BRWD3: variants seen among roughly 807,000 people sequenced by gnomAD.
BRWD3 encodes bromodomain and WD repeat-containing protein 3.
In BRWD3, 10 loss-of-function variants were observed where a neutral mutation model predicts 149.7. That is an observed-to-expected ratio of 0.07 (90% CI 0.04 to 0.11). The LOEUF is 0.11. Among genes scored for constraint, BRWD3 ranks in the 10% least tolerant of loss-of-function variants. The pLI, the probability that BRWD3 is intolerant of heterozygous loss-of-function variation, is 1.00. For synonymous variants in BRWD3, 504 were observed against 456.7 expected, an observed-to-expected ratio of 1.10 and a Z score of -1.32; for missense variants, 940 against 1,373.2, an observed-to-expected ratio of 0.68 and a Z score of 4.99.
chrX:80,696,371 A>G (rs1013232477), intron 26 of BRWD3, among the ~76,000 whole-genome samples: 1 of 110,705 alleles, frequency 9.0e-6, no homozygotes, highest in Non-Finnish European at 1.9e-5. Context: ...CAAACATTCA[A>G]TTAGGGAATT....
At chrX:80,704,623 T>C in intron 23 of BRWD3, 55 bp downstream of exon 23, 2 of 1,089,354 alleles carry the variant, frequency 1.8e-6, no homozygotes, top group Non-Finnish European at 2.5e-6. Flanking sequence ...ATTTAAGTTA[T>C]CAAAGGCAAA....
At chrX:80,735,093 C>G in intron 10 of BRWD3, 34 bp downstream of exon 10, 3 of 1,108,116 alleles carry the variant, frequency 2.7e-6, no homozygotes, top group Non-Finnish European at 3.7e-6. Context: ...GTTAAATATT[C>G]TAGATGCTCA....
At chrX:80,760,081 T>A (rs888299858) in intron 6 of BRWD3, among the ~76,000 whole-genome samples, 1 of 112,224 alleles carries the variant, frequency 8.9e-6, no homozygotes, top group African/African-American at 3.2e-5. Flanking sequence ...TAACTCTTCA[T>A]GTTAAAGCTT....
intron 40 of BRWD3, 76 bp downstream of exon 40, chrX:80,681,265 T>C (rs1008110880): frequency 1.9e-6 from 2 of 1,057,139 alleles, no homozygotes; most frequent in African/African-American, 3.7e-5. Flanking sequence ...TATGTCAACA[T>C]GTCAGCTTTT....
intron 26 of BRWD3, 134 bp downstream of exon 26, chrX:80,696,605 T>C: frequency 1.4e-6 from 1 of 704,855 alleles, no homozygotes; most frequent in Admixed American, 2.7e-5. Flanking sequence ...AATTAAACTC[T>C]GGTCTTTATA....
intron 6 of BRWD3, among the ~76,000 whole-genome samples, chrX:80,788,212 G>C (rs2074137192): frequency 9.0e-6 from 1 of 110,613 alleles, no homozygotes; most frequent in South Asian, 3.8e-4. Flanking sequence ...GCAGGTGATT[G>C]CTTCAGCCCA....
chrX:80,710,700 G>A, intron 20 of BRWD3: 3 of 802,719 alleles, frequency 3.7e-6, no homozygotes, highest in Admixed American at 2.3e-5. Flanking sequence ...TGAACCAATG[G>A]AACATTAAGT....
intron 8 of BRWD3, among the ~76,000 whole-genome samples, chrX:80,743,493 C>T (rs2073548248): frequency 9.0e-6 from 1 of 111,662 alleles, no homozygotes; most frequent in African/African-American, 3.3e-5. Context: ...CCTTGCACCT[C>T]TGGTAGAATT....
intron 6 of BRWD3, among the ~76,000 whole-genome samples, chrX:80,776,502 A>AG (rs1355297013): frequency 8.9e-6 from 1 of 111,949 alleles, no homozygotes; most frequent in Non-Finnish European, 1.9e-5. Context: ...CATTTATAAG[A>AG]CTACATGTTA....
intron 8 of BRWD3, among the ~76,000 whole-genome samples, chrX:80,738,539 T>C (rs1478045139): frequency 9.2e-6 from 1 of 108,133 alleles, no homozygotes; most frequent in African/African-American, 3.4e-5. Context: ...ATAAAGAACA[T>C]GTAAAGAATA....
intron 16 of BRWD3, 81 bp downstream of exon 16, chrX:80,723,667 A>G: frequency 9.7e-7 from 1 of 1,035,226 alleles, no homozygotes; most frequent in South Asian, 1.9e-5. Context: ...AACAGCCCTT[A>G]TTAACTGGAG....
In BRWD3 at chrX:80,694,698, A is replaced by T. The variant is rs1181371528; in HGVS notation, c.3151+1210T>A. ...CCCGCTGGATTTTAGACTTGCATGG[A>T]GCCTTCAGTCCCTTTGTTTTGGCCA... On this transcript the variant is annotated intron_variant, in intron 27 of 40. Coordinates refer to ENST00000373275, the MANE Select transcript of BRWD3 (RefSeq NM_153252.5). 3.6e-5 allele frequency among the ~76,000 whole-genome samples: 4 copies of T among 111,043 alleles called. No homozygotes were observed. In the East Asian group the frequency reaches 8.6e-4, roughly 24 times the overall value.
intron 38 of BRWD3, 151 bp from the exon 39 acceptor site, chrX:80,682,245 G>T: frequency 1.6e-6 from 1 of 610,229 alleles, no homozygotes; most frequent in Non-Finnish European, 2.5e-6. Flanking sequence ...TAATTTGACA[G>T]TGAAACTTCA....
intron 20 of BRWD3, among the ~76,000 whole-genome samples, chrX:80,712,293 C>T (rs913220247): frequency 1.2e-4 from 13 of 110,707 alleles, no homozygotes; most frequent in Non-Finnish European, 1.7e-4. Context: ...TGATTGCAGG[C>T]ACGCGCCGCC....
intron 20 of BRWD3, among the ~76,000 whole-genome samples, chrX:80,713,188 T>C (rs2073016533): frequency 9.1e-6 from 1 of 109,960 alleles, no homozygotes; most frequent in African/African-American, 3.3e-5. Context: ...GTCTGGGAGG[T>C]GTACCCAACA....
At position 80,797,760 on chromosome X, in the gene BRWD3, G is replaced by C. The variant is rs770894322; in HGVS notation, c.181-3988C>G. ...CAATAGAAAATTGCTCGATTTCTAA[G>C]CAGTTACATTGAAAAAGTCCTTTGC... On this transcript the variant is annotated intron_variant, in intron 4 of 40. Transcript: ENST00000373275. Among the ~76,000 whole-genome samples, 11 of 111,587 alleles carry C rather than the reference G, an allele frequency of 9.9e-5. No individual in the cohort carries two copies. The South Asian group carries it at 4.1e-3, about 42-fold the overall frequency.
In BRWD3 at chrX:80,809,781, G is replaced by C. The variant is rs2074393915; in HGVS notation, c.-310C>G. On this transcript the variant is annotated 5_prime_UTR_variant, in exon 1 of 41. Coordinates refer to ENST00000373275, the MANE Select transcript of BRWD3 (RefSeq NM_153252.5). Reference sequence around the variant, plus strand: ...AAAAAGAGAGAGAGAGAGAGAGAGAGAGAGAGAGAGAGAGAGAGAGAGACG... The same window carrying C: ...AAAAAGAGAGAGAGAGAGAGAGAGACAGAGAGAGAGAGAGAGAGAGAGACG... 1 of 111,074 alleles carries C rather than the reference G, an allele frequency of 9.0e-6. No homozygotes were observed. The highest frequency in any genetic ancestry group is 1.6e-5 in the Non-Finnish European group (1 of 60,648). The allele number at this position is 111,074 out of a possible 1,213,427, so 9.2% of individuals were successfully genotyped here. A position where few individuals can be genotyped will look rare whatever the true frequency, so the allele number is the denominator to read the frequency against.
At chrX:80,795,908 G>C (rs1442808831) in intron 4 of BRWD3, among the ~76,000 whole-genome samples, 1 of 109,893 alleles carries the variant, frequency 9.1e-6, no homozygotes, top group Non-Finnish European at 1.9e-5. Context: ...TCCAGCCCGT[G>C]GGTGACCCTG....
chrX:80,736,667 A>G (rs760159337), intron 8 of BRWD3, among the ~76,000 whole-genome samples: 2 of 108,298 alleles, frequency 1.8e-5, no homozygotes, highest in African/African-American at 6.7e-5. Flanking sequence ...TATTCGTATC[A>G]TATCATTGTG....
Sources: allele counts gnomAD v4.1 joint callset (sites outside exome capture counted in the v4.1 genomes callset), GRCh38; gene constraint gnomAD v4.1.1; transcripts MANE v1.5; gene names NCBI Gene and HGNC (gene_info 2026-07-23, HGNC 2026-07-21).